The following CNTRL variants were observed in gnomAD, a reference collection of about 807,000 sequenced individuals.
The protein encoded by CNTRL is centriolin.
In CNTRL, 233 loss-of-function variants were observed where a neutral mutation model predicts 303.7. That is an observed-to-expected ratio of 0.77 (90% CI 0.69 to 0.86). The LOEUF (loss-of-function observed/expected upper bound fraction) is 0.86. Ranked by LOEUF, CNTRL falls within the 40% of genes least tolerant of loss-of-function variation. CNTRL has a pLI of 0.00. For missense variants in CNTRL, 2,524 were observed against 2,650.6 expected, an observed-to-expected ratio of 0.95 and a Z score of 1.05; for synonymous variants, 900 against 922.2, an observed-to-expected ratio of 0.98 and a Z score of 0.44.
In CNTRL at chr9:121,112,490, C is replaced by T. The variant is rs2049790922; in HGVS notation, c.1034C>T (p.Ala345Val). 2 of 1,612,614 alleles carry T rather than the reference C, an allele frequency of 1.2e-6. No homozygotes were observed. Among genetic ancestry groups the T allele is most frequent in the African/African-American group, 1.3e-5 (1 of 74,818 alleles). ...LKQKTIELTR[A>V]CQKQYELEQE... ...CAGAAGACCATAGAATTAACACGAGCATGTCAGAAGCAATATGAGCTGGAA... is the reference window on the plus strand; with the variant it reads ...CAGAAGACCATAGAATTAACACGAGTATGTCAGAAGCAATATGAGCTGGAA... Residue 345 changes from alanine to valine, a missense_variant, in exon 9 of 44, where the codon GCA becomes GTA. Coordinates refer to ENST00000373855, the MANE Select transcript of CNTRL (RefSeq NM_007018.6).
At position 121,090,489 on chromosome 9, in the gene CNTRL, T is replaced by A. The variant is rs972776790; in HGVS notation, c.348+84T>A. 3.1e-5 allele frequency: 40 copies of A among 1,285,448 alleles called. 1 individual carries two copies. The South Asian group carries it at 3.7e-4, about 12-fold the overall frequency. 79.6% of individuals were successfully genotyped at this position (1,285,448 alleles called of 1,614,324 possible). A position where few individuals can be genotyped will look rare whatever the true frequency, so the allele number is the denominator to read the frequency against. ...ACTGCGAAAAAAAATTATCCTAATG[T>A]CACCTAATTTGTGGCAGACCTTTTA... is the stretch of plus-strand genomic sequence containing the variant. On this transcript the variant is annotated intron_variant, in intron 4 of 43. Coordinates refer to ENST00000373855, the MANE Select transcript of CNTRL (RefSeq NM_007018.6).
intron 37 of CNTRL, 63 bp from the exon 38 acceptor site, chr9:121,168,033 C>T (rs1564301757): frequency 2.9e-6 from 4 of 1,377,940 alleles, no homozygotes; most frequent in Non-Finnish European, 3.0e-6. Flanking sequence ...GTCTCATGTC[C>T]ATGCAGGTTC....
chr9:121,095,441 G>A (rs1195409444), intron 5 of CNTRL, among the ~76,000 whole-genome samples: 2 of 152,044 alleles, frequency 1.3e-5, no homozygotes, highest in East Asian at 3.8e-4. Context: ...CAAGAAATAT[G>A]CTCTCAATCC....
At chr9:121,122,457 C>A (rs753826611) in intron 12 of CNTRL, 1 of 907,316 alleles carries the variant, frequency 1.1e-6, no homozygotes, top group Middle Eastern at 5.6e-4. Context: ...GAGTAATATT[C>A]TTTTATAATC....
intron 12 of CNTRL, among the ~76,000 whole-genome samples, chr9:121,120,081 T>C (rs939340922): frequency 1.3e-5 from 2 of 152,166 alleles, no homozygotes; most frequent in African/African-American, 4.8e-5. Flanking sequence ...AGGAAAAATA[T>C]CTTCTACATA....
rs779123130 is a variant in CNTRL, at chr9:121,143,959, G to GA, written c.2930dup (p.Lys978GlufsTer10). ...AAGTTTTTGGTTTAGATAAAGAACTGAAGAAACTAAAGAAAGCCGTGGCCA... is the reference window on the plus strand; with the variant it reads ...AAGTTTTTGGTTTAGATAAAGAACTGAAAGAAACTAAAGAAAGCCGTGGCCA... On this transcript the variant is annotated frameshift_variant, in exon 20 of 44. Transcript: ENST00000373855. LOFTEE classifies it high-confidence loss of function. The GA allele has an allele frequency of 1.9e-6, 3 of 1,613,344 alleles. No homozygotes were observed. Among genetic ancestry groups the GA allele is most frequent in the African/African-American group, 1.3e-5 (1 of 74,886 alleles).
chr9:121,108,056 T>C, intron 8 of CNTRL, 61 bp downstream of exon 8: 1 of 1,204,300 alleles, frequency 8.3e-7, no homozygotes, highest in Non-Finnish European at 1.1e-6. Flanking sequence ...TTCTTTGCCC[T>C]TGGGTCTAAA....
intron 36 of CNTRL, 128 bp from the exon 37 acceptor site, chr9:121,167,361 T>G: frequency 2.2e-5 from 16 of 736,136 alleles, no homozygotes; most frequent in Non-Finnish European, 3.3e-5. Flanking sequence ...GTAAGTTTAT[T>G]GAGATAATAA....
At chr9:121,153,348 G>T (rs550869353) in intron 26 of CNTRL, among the ~76,000 whole-genome samples, 1 of 152,008 alleles carries the variant, frequency 6.6e-6, no homozygotes, top group Non-Finnish European at 1.5e-5. Flanking sequence ...CACAGTATTT[G>T]GTCTGGCTCA....
intron 16 of CNTRL, among the ~76,000 whole-genome samples, 174 bp from the exon 17 acceptor site, chr9:121,140,467 T>C (rs2051440298): frequency 6.6e-6 from 1 of 152,248 alleles, no homozygotes; most frequent in African/African-American, 2.4e-5. Context: ...TCAGTTAACA[T>C]TGTTACACTG....
chr9:121,152,382 C>A, intron 25 of CNTRL, 103 bp from the exon 26 acceptor site: 1 of 858,050 alleles, frequency 1.2e-6, no homozygotes, highest in Non-Finnish European at 1.9e-6. Context: ...TTTTTTGGGC[C>A]ATTGATACCA....
At chr9:121,175,520 C>T (rs1473170625) in intron 43 of CNTRL, among the ~76,000 whole-genome samples, 3 of 152,202 alleles carry the variant, frequency 2.0e-5, no homozygotes, top group Admixed American at 6.5e-5. Flanking sequence ...CCTCCTGCCT[C>T]GGCCTCCCAA....
chr9:121,104,665 A>G (rs546253324), intron 7 of CNTRL, among the ~76,000 whole-genome samples: 142 of 139,822 alleles, frequency 1.0e-3, no homozygotes, highest in African/African-American at 3.6e-3. Context: ...TTTTGATTTT[A>G]TTTCAGGTGC....
chr9:121,144,034 G>A lies in CNTRL; in HGVS notation c.3003G>A (p.Leu1001=), dbSNP rs2051685363. The change falls in exon 20 of 44, where the codon CTG becomes CTA. Residue 1001 remains leucine (L), a synonymous_variant. Transcript: ENST00000373855. ...AGCTCACCATTGCCAAAGACCAGCTGAAGTCCCTTCATGGAACTGTTATGA... is the reference window on the plus strand; with the variant it reads ...AGCTCACCATTGCCAAAGACCAGCTAAAGTCCCTTCATGGAACTGTTATGA... ...TAELTIAKDQ[L]KSLHGTVMKI... is the part of the protein sequence containing the mutation. 6.2e-7 allele frequency: 1 copy of A among 1,613,926 alleles called. No individual in the cohort carries two copies.
At chr9:121,115,700 G>A (rs1254932859) in intron 11 of CNTRL, among the ~76,000 whole-genome samples, 1 of 152,136 alleles carries the variant, frequency 6.6e-6, no homozygotes, top group African/African-American at 2.4e-5. Context: ...AATTGCATAG[G>A]GGCAAAAATT....
At chr9:121,130,946 T>G (rs937387031) in intron 14 of CNTRL, among the ~76,000 whole-genome samples, 6 of 152,302 alleles carry the variant, frequency 3.9e-5, no homozygotes, top group African/African-American at 1.2e-4. Flanking sequence ...TGGTTTTGAG[T>G]GAGTTTCTTA....
intron 32 of CNTRL, among the ~76,000 whole-genome samples, 171 bp from the exon 33 acceptor site, chr9:121,161,685 G>A (rs2052860641): frequency 6.6e-6 from 1 of 152,102 alleles, no homozygotes; most frequent in Non-Finnish European, 1.5e-5. Flanking sequence ...AGTATTTAGC[G>A]ATACTTTTAG....
intron 12 of CNTRL, among the ~76,000 whole-genome samples, chr9:121,119,649 C>T (rs1201292528): frequency 1.3e-5 from 2 of 151,960 alleles, no homozygotes; most frequent in Admixed American, 6.6e-5. Context: ...GCGCGCACCA[C>T]CACACCCAGC....
At position 121,160,025 on chromosome 9, in the gene CNTRL, T is replaced by C. The variant is rs559921212; in HGVS notation, c.4930-118T>C. 169 of 724,138 alleles carry C rather than the reference T, an allele frequency of 2.3e-4. No individual in the cohort carries two copies. The African/African-American group carries it at 3.0e-3, about 13-fold the overall frequency. 44.9% of individuals were successfully genotyped at this position (724,138 alleles called of 1,614,324 possible). On this transcript the variant is annotated intron_variant, in intron 31 of 43. Coordinates refer to ENST00000373855, the MANE Select transcript of CNTRL (RefSeq NM_007018.6). ...CTGTTCTTGACATAAAAGGCAAAAATGAGCTTGTTTCCAAATTAGAATTTC... is the reference window on the plus strand; with the variant it reads ...CTGTTCTTGACATAAAAGGCAAAAACGAGCTTGTTTCCAAATTAGAATTTC...
Sources: gnomAD v4.1 joint callset for allele counts (sites outside exome capture counted in the v4.1 genomes callset) on GRCh38, gnomAD v4.1.1 for gene constraint, MANE v1.5 for transcripts, NCBI Gene and HGNC (gene_info 2026-07-23, HGNC 2026-07-21) for gene names.